Variants in DSCAML1 observed in about 807,000 individuals in gnomAD.
DSCAML1 encodes the protein cell adhesion molecule DSCAML1.
In DSCAML1, 38 loss-of-function variants were observed where a neutral mutation model predicts 200.5. The ratio of observed to expected loss-of-function variants is 0.19; its 90% CI spans 0.15 to 0.25. The LOEUF (loss-of-function observed/expected upper bound fraction) is 0.25, where lower values mean the gene tolerates loss of function less well. Among genes scored for constraint, DSCAML1 ranks in the 10% least tolerant of loss-of-function variants. The pLI is 1.00. For missense variants in DSCAML1, 2,223 were observed against 2,858.8 expected (o/e 0.78, Z 5.07); for synonymous variants, 1,215 against 1,165.0 (o/e 1.04, Z -0.87).
At chr11:117,678,738 A>G (rs2053261077) in intron 3 of DSCAML1, among the ~76,000 whole-genome samples, 1 of 89,856 alleles carries the variant, frequency 1.1e-5, no homozygotes, top group South Asian at 3.1e-4. Context: ...CTTTCAGGAC[A>G]ATGGCATGCG....
chr11:117,432,597 T>C, intron 29 of DSCAML1, 93 bp from the exon 30 acceptor site: 1 of 1,395,914 alleles, frequency 7.2e-7, no homozygotes, highest in Non-Finnish European at 9.8e-7. Context: ...CTTTATCCAA[T>C]GTGTTTTTTG....
chr11:117,607,375 T>C (rs2051588464), intron 3 of DSCAML1, among the ~76,000 whole-genome samples: 1 of 149,168 alleles, frequency 6.7e-6, no homozygotes, highest in Non-Finnish European at 1.5e-5. Context: ...GTAGGTCTAG[T>C]GTTCTGGCCT....
chr11:117,433,047 C>T lies in DSCAML1; in HGVS notation c.5026+91G>A, dbSNP rs2137063828. The T allele has an allele frequency of 2.6e-6, 3 of 1,139,164 alleles. No homozygotes were observed. The South Asian group carries it at 3.9e-5, about 15-fold the overall frequency. 70.6% of individuals were successfully genotyped at this position (1,139,164 alleles called of 1,614,324 possible). A position where few individuals can be genotyped will look rare whatever the true frequency, so the allele number is the denominator to read the frequency against. ...GGGGCTACTGCCAGAACCCTGGGCA[C>T]TGCCATGAGGGTTGGTGTTTGACTT... On this transcript the variant is annotated intron_variant, in intron 29 of 32. Coordinates refer to ENST00000651296, the MANE Select transcript of DSCAML1 (RefSeq NM_020693.4).
intron 3 of DSCAML1, among the ~76,000 whole-genome samples, chr11:117,532,771 C>G (rs765334984): frequency 2.8e-4 from 42 of 152,076 alleles, no homozygotes; most frequent in Admixed American, 1.6e-3. Flanking sequence ...GGGAAAGTTA[C>G]TTAACCTCTC....
At position 117,435,764 on chromosome 11, in the gene DSCAML1, C is replaced by G. The variant is rs747091781; in HGVS notation, c.4756G>C (p.Gly1586Arg). The G allele has an allele frequency of 5.6e-6, 9 of 1,613,208 alleles. No homozygotes were observed. Among genetic ancestry groups the G allele is most frequent in the Non-Finnish European group, 7.6e-6 (9 of 1,179,230 alleles). ...GTGAACAGCTTCTTCACATCATCCC[C>G]TTCACCTTGAGCAGACTTGATGGGT... is the stretch of plus-strand genomic sequence containing the variant. Reference protein sequence around the residue: ...IPPIKSAQGEGDDVKKLFTIG... With the variant: ...IPPIKSAQGERDDVKKLFTIG... The change falls in exon 27 of 33, where the codon GGG becomes CGG. Residue 1586 changes from glycine (G) to arginine (R), a missense_variant. By Grantham distance (125) the Gly-to-Arg change is moderately radical (BLOSUM62 -2). This residue lies in a region of DSCAML1 where 614 missense variants were observed against 739.1 expected (regional missense o/e 0.83). Coordinates refer to ENST00000651296, the MANE Select transcript of DSCAML1 (RefSeq NM_020693.4).
At chr11:117,533,322 G>A (rs1222300873) in intron 3 of DSCAML1, among the ~76,000 whole-genome samples, 3 of 152,276 alleles carry the variant, frequency 2.0e-5, no homozygotes, top group East Asian at 1.9e-4. Flanking sequence ...AGGAAACTGA[G>A]GCTTGTAGTA....
chr11:117,470,377 C>G (rs1456183398), intron 15 of DSCAML1, among the ~76,000 whole-genome samples: 1 of 152,128 alleles, frequency 6.6e-6, no homozygotes, highest in East Asian at 1.9e-4. Flanking sequence ...AGATCGAGAC[C>G]ATCCTGGCTA....
chr11:117,777,234 C>T (rs1347230548), intron 2 of DSCAML1, among the ~76,000 whole-genome samples: 4 of 152,290 alleles, frequency 2.6e-5, no homozygotes, highest in South Asian at 2.1e-4. Context: ...TTTCCCATTT[C>T]GGTATTAGCA....
intron 3 of DSCAML1, among the ~76,000 whole-genome samples, chr11:117,590,971 CAGG>C (rs902768763): frequency 9.9e-5 from 15 of 152,256 alleles, no homozygotes; most frequent in African/African-American, 3.6e-4. Context: ...CAGCACAAAA[CAGG>C]GGGAGTGATG....
chr11:117,784,023 C>T (rs2055308436), intron 1 of DSCAML1, among the ~76,000 whole-genome samples: 1 of 152,166 alleles, frequency 6.6e-6, no homozygotes, highest in South Asian at 2.1e-4. Flanking sequence ...ACAAGGTTCC[C>T]AGCAACTACA....
chr11:117,692,166 T>C (rs1040492843), intron 3 of DSCAML1, among the ~76,000 whole-genome samples: 2 of 152,210 alleles, frequency 1.3e-5, no homozygotes, highest in South Asian at 4.1e-4. Context: ...GATGCAGTCC[T>C]TGGGCACAGT....
chr11:117,596,436 A>G (rs2051362523), intron 3 of DSCAML1, among the ~76,000 whole-genome samples: 1 of 146,356 alleles, frequency 6.8e-6, no homozygotes, highest in South Asian at 2.2e-4. Context: ...GGGTAGACAC[A>G]TATGTGTCCG....
chr11:117,547,546 G>C (rs1024286282), intron 3 of DSCAML1, among the ~76,000 whole-genome samples: 3 of 152,166 alleles, frequency 2.0e-5, no homozygotes, highest in Non-Finnish European at 4.4e-5. Context: ...TGGCTCTGCA[G>C]CTAGGAGGTG....
chr11:117,787,925 T>C (rs1382751991), intron 1 of DSCAML1, among the ~76,000 whole-genome samples: 1 of 152,196 alleles, frequency 6.6e-6, no homozygotes, highest in Non-Finnish European at 1.5e-5. Flanking sequence ...CTGATTGTTC[T>C]CATCCCAGAG....
chr11:117,690,107 G>C (rs11827260), intron 3 of DSCAML1, among the ~76,000 whole-genome samples: 26,700 of 152,176 alleles, frequency 0.18, 2,609 homozygotes, highest in African/African-American at 0.26. Flanking sequence ...CAAAACCAAA[G>C]AACACAATGA....
At position 117,675,470 on chromosome 11, in the gene DSCAML1, ATTTTTTTT is replaced by A. The variant is rs533948278; in HGVS notation, c.511+101313_511+101320del. On this transcript the variant is annotated intron_variant, in intron 3 of 32. Transcript: ENST00000651296. Reference sequence around the variant, plus strand: ...GTGCCCCTATGCCTGGCTGATTGAAATTTTTTTTTTTTTTTTTTTTTTTTTTTTTAGAG... The same window carrying A: ...GTGCCCCTATGCCTGGCTGATTGAAATTTTTTTTTTTTTTTTTTTTTAGAG... Among the ~76,000 whole-genome samples the A allele has an allele frequency of 2.4e-4, 23 of 96,932 alleles. No individual in the cohort carries two copies. The East Asian group carries it at 3.7e-3, about 15-fold the overall frequency. The allele number at this position is 96,932 out of a possible 152,430, so 63.6% of individuals were successfully genotyped here. A position where few individuals can be genotyped will look rare whatever the true frequency, so the allele number is the denominator to read the frequency against.
intron 3 of DSCAML1, among the ~76,000 whole-genome samples, chr11:117,658,448 A>C (rs2137637612): frequency 6.6e-6 from 1 of 152,362 alleles, no homozygotes; most frequent in African/African-American, 2.4e-5. Flanking sequence ...TGGCTTGCCC[A>C]AAGTCAGAGT....
Position 117,524,940 on chromosome 11 carries a change from C to G in DSCAML1, c.802G>C (p.Ala268Pro), listed in dbSNP as rs148686534. 160 of 1,613,270 alleles carry G rather than the reference C, an allele frequency of 9.9e-5. No individual in the cohort carries two copies. The Middle Eastern group carries it at 9.9e-4, about 10-fold the overall frequency. The change falls in exon 5 of 33, where the codon GCT becomes CCT. Residue 268 changes from alanine (A) to proline (P), a missense_variant. Coordinates refer to ENST00000651296, the MANE Select transcript of DSCAML1 (RefSeq NM_020693.4). ...ATGCGCTTGGTCCAGCGGCTGTCAG[C>G]CGGGAGGGGCCGGCCATCCTTGAGC... The part of the protein sequence containing the change: ...RWLKDGRPLP[A>P]DSRWTKRITG...
chr11:117,785,374 A>G (rs2055332120), intron 1 of DSCAML1, among the ~76,000 whole-genome samples: 1 of 152,126 alleles, frequency 6.6e-6, no homozygotes. Context: ...GAAGACCTGG[A>G]TAGGTGGGGT....
Sources: allele counts gnomAD v4.1 joint callset (sites outside exome capture counted in the v4.1 genomes callset), GRCh38; gene constraint gnomAD v4.1.1; regional missense constraint gnomAD v4.1.1; transcripts MANE v1.5; gene names NCBI Gene and HGNC (gene_info 2026-07-23, HGNC 2026-07-21).